Variants in PDSS2 observed in about 807,000 individuals in gnomAD.
PDSS2 encodes all trans-polyprenyl-diphosphate synthase PDSS2.
A neutral mutation model predicts 44.5 loss-of-function variants in PDSS2; 31 were observed. That is an observed-to-expected ratio of 0.70 (90% CI 0.52 to 0.94). The LOEUF (loss-of-function observed/expected upper bound fraction) is 0.94, where lower values mean the gene tolerates loss of function less well. Ranked by LOEUF, PDSS2 falls within the 40% of genes least tolerant of loss-of-function variation. PDSS2 has a pLI of 0.00. For missense variants in PDSS2, 452 were observed against 482.2 expected, an observed-to-expected ratio of 0.94 and a Z score of 0.59; for synonymous variants, 157 against 180.3, an observed-to-expected ratio of 0.87 and a Z score of 1.03.
chr6:107,334,475 T>A (rs968355327), intron 1 of PDSS2, 143 bp from the exon 2 acceptor site: 11 of 728,062 alleles, frequency 1.5e-5, no homozygotes, highest in Non-Finnish European at 1.9e-5. Flanking sequence ...GGAGGAAAAT[T>A]AATGTGAGGA....
At chr6:107,264,221 T>A (rs914987117) in intron 3 of PDSS2, 1 of 1,219,022 alleles carries the variant, frequency 8.2e-7, no homozygotes. Flanking sequence ...ATATAGATGG[T>A]GTAAAGGGAG....
At position 107,402,509 on chromosome 6, in the gene PDSS2, T is replaced by TACGTATATATGTATACATATATATAC. The variant is rs1562516326; in HGVS notation, c.296+56480_296+56481insGTATATATATGTATACATATATACGT. On this transcript the variant is annotated intron_variant, in intron 1 of 7. Transcript: ENST00000369037. ...ATACGTATATATGTATACATATATATACACACACATATATACATACATTTT... is the reference window on the plus strand; with the variant it reads ...ATACGTATATATGTATACATATATATACGTATATATGTATACATATATATACACACACACATATATACATACATTTT... Among the ~76,000 whole-genome samples, 3 of 119,568 alleles carry TACGTATATATGTATACATATATATAC rather than the reference T, an allele frequency of 2.5e-5. No homozygotes were observed. In the East Asian group the frequency reaches 7.1e-4, roughly 28 times the overall value. The allele number at this position is 119,568 out of a possible 152,430, so 78.4% of individuals were successfully genotyped here.
chr6:107,366,186 T>C (rs1778956067), intron 1 of PDSS2, among the ~76,000 whole-genome samples: 1 of 152,162 alleles, frequency 6.6e-6, no homozygotes, highest in Non-Finnish European at 1.5e-5. Context: ...AAAAAGTATG[T>C]TCTCTGACCA....
intron 7 of PDSS2, among the ~76,000 whole-genome samples, chr6:107,156,709 C>T (rs1770910952): frequency 6.6e-6 from 1 of 152,162 alleles, no homozygotes. Context: ...CCTTAGAGAG[C>T]TTTCCCTCTT....
intron 1 of PDSS2, among the ~76,000 whole-genome samples, chr6:107,450,029 C>T (rs920975666): frequency 2.6e-5 from 4 of 152,158 alleles, no homozygotes; most frequent in Non-Finnish European, 5.9e-5. Context: ...CTTTGAGACA[C>T]TGCTTTCAAT....
intron 1 of PDSS2, among the ~76,000 whole-genome samples, chr6:107,398,712 A>T (rs1780020297): frequency 6.6e-6 from 1 of 152,208 alleles, no homozygotes; most frequent in Non-Finnish European, 1.5e-5. Context: ...GCTCCCTTAG[A>T]TTTCCATCTG....
At chr6:107,372,981 ATC>A (rs1331955535) in intron 1 of PDSS2, among the ~76,000 whole-genome samples, 6 of 130,220 alleles carry the variant, frequency 4.6e-5, no homozygotes, top group African/African-American at 1.8e-4. Flanking sequence ...AAGTCTAATA[ATC>A]TTTTTTTTTT....
chr6:107,350,617 A>G (rs1183479672), intron 1 of PDSS2, among the ~76,000 whole-genome samples: 1 of 152,124 alleles, frequency 6.6e-6, no homozygotes, highest in Non-Finnish European at 1.5e-5. Context: ...CCTGGGCAAA[A>G]TAGTGAGATC....
chr6:107,363,902 T>C (rs1046194309), intron 1 of PDSS2, among the ~76,000 whole-genome samples: 5 of 151,654 alleles, frequency 3.3e-5, no homozygotes, highest in Middle Eastern at 6.4e-3. Flanking sequence ...ACAGTGTCGA[T>C]TGGTGCACTC....
At chr6:107,236,863 C>G (rs1008399619) in intron 4 of PDSS2, among the ~76,000 whole-genome samples, 4 of 151,914 alleles carry the variant, frequency 2.6e-5, no homozygotes, top group African/African-American at 9.7e-5. Flanking sequence ...TCATTTGGCT[C>G]TTTTTACTAT....
intron 1 of PDSS2, among the ~76,000 whole-genome samples, chr6:107,427,490 A>G (rs1173075599): frequency 6.6e-6 from 1 of 152,260 alleles, no homozygotes; most frequent in East Asian, 1.9e-4. Flanking sequence ...GAAATCAAAC[A>G]TATTTTTACC....
intron 2 of PDSS2, among the ~76,000 whole-genome samples, chr6:107,292,612 T>C (rs1027051037): frequency 1.3e-5 from 2 of 152,232 alleles, no homozygotes; most frequent in Non-Finnish European, 2.9e-5. Flanking sequence ...TAGTGATCAA[T>C]GAACACACCT....
intron 2 of PDSS2, among the ~76,000 whole-genome samples, chr6:107,321,241 G>C (rs967020284): frequency 3.3e-5 from 5 of 152,142 alleles, no homozygotes; most frequent in African/African-American, 1.2e-4. Flanking sequence ...ATCTAGCAGA[G>C]GGACAAGATA....
chr6:107,170,463 C>G (rs552849906), intron 7 of PDSS2, among the ~76,000 whole-genome samples: 7 of 152,156 alleles, frequency 4.6e-5, no homozygotes. Context: ...AGCTCACGCT[C>G]GGTGCACTGC....
chr6:107,401,088 C>T (rs1362333891), intron 1 of PDSS2, among the ~76,000 whole-genome samples: 2 of 152,200 alleles, frequency 1.3e-5, no homozygotes, highest in African/African-American at 2.4e-5. Context: ...AGCAGGCTCT[C>T]ACCTGTAAGT....
chr6:107,186,467 A>G (rs1772168258), intron 7 of PDSS2, among the ~76,000 whole-genome samples: 2 of 141,472 alleles, frequency 1.4e-5, no homozygotes, highest in South Asian at 4.4e-4. Flanking sequence ...TGACTGAAAT[A>G]ATTATATAGT....
intron 4 of PDSS2, among the ~76,000 whole-genome samples, chr6:107,223,438 G>A (rs1562387780): frequency 6.6e-6 from 1 of 151,046 alleles, no homozygotes; most frequent in Non-Finnish European, 1.5e-5. Flanking sequence ...GGCTGAGGTG[G>A]GAAGACTGCT....
intron 7 of PDSS2, among the ~76,000 whole-genome samples, chr6:107,162,625 TG>T (rs1771187294): frequency 6.8e-6 from 1 of 147,742 alleles, no homozygotes. Flanking sequence ...TTTTTTTTTT[TG>T]AGATGGAGTC....
At chr6:107,425,216 G>A (rs996025934) in intron 1 of PDSS2, among the ~76,000 whole-genome samples, 18 of 152,164 alleles carry the variant, frequency 1.2e-4, no homozygotes, top group Non-Finnish European at 2.4e-4. Flanking sequence ...CAGACATACA[G>A]TAAATTGGTA....
Sources: allele counts gnomAD v4.1 joint callset (sites outside exome capture counted in the v4.1 genomes callset), GRCh38; gene constraint gnomAD v4.1.1; transcripts MANE v1.5; gene names NCBI Gene and HGNC (gene_info 2026-07-23, HGNC 2026-07-21).